MAGI1: variants seen among roughly 807,000 people sequenced by gnomAD.
The protein encoded by MAGI1 is membrane associated guanylate kinase, WW and PDZ domain containing 1.
A neutral mutation model predicts 139.9 loss-of-function variants in MAGI1; 58 were observed. That is an observed-to-expected ratio of 0.41 (90% CI 0.34 to 0.52). The LOEUF (loss-of-function observed/expected upper bound fraction) is 0.52, where lower values mean the gene tolerates loss of function less well. Among genes scored for constraint, MAGI1 ranks in the 20% least tolerant of loss-of-function variants. The pLI is 0.12. For missense variants in MAGI1, 1,874 were observed against 1,901.6 expected, an observed-to-expected ratio of 0.99 and a Z score of 0.27; for synonymous variants, 812 against 737.9, an observed-to-expected ratio of 1.10 and a Z score of -1.63.
At chr3:65,920,001 C>T (rs960254662) in intron 1 of MAGI1, among the ~76,000 whole-genome samples, 5 of 152,132 alleles carry the variant, frequency 3.3e-5, no homozygotes, top group Admixed American at 1.3e-4. Flanking sequence ...ACTTCAGGTC[C>T]GATGTTTAAA....
intron 1 of MAGI1, among the ~76,000 whole-genome samples, chr3:65,988,398 T>G (rs2065993837): frequency 6.6e-6 from 1 of 152,150 alleles, no homozygotes; most frequent in Non-Finnish European, 1.5e-5. Context: ...AGTGGCAGAT[T>G]GGGAGGGTGG....
At chr3:66,012,504 A>G (rs1032433085) in intron 1 of MAGI1, among the ~76,000 whole-genome samples, 5 of 152,294 alleles carry the variant, frequency 3.3e-5, no homozygotes, top group Non-Finnish European at 7.4e-5. Context: ...TGGATGAGAG[A>G]TAAAAACAGA....
At chr3:65,865,518 C>T (rs1207870961) in intron 1 of MAGI1, among the ~76,000 whole-genome samples, 1 of 152,152 alleles carries the variant, frequency 6.6e-6, no homozygotes, top group African/African-American at 2.4e-5. Context: ...ATCACTTGAG[C>T]CTGGAGGCAG....
At chr3:65,473,276 T>A (rs1264038003) in intron 4 of MAGI1, among the ~76,000 whole-genome samples, 1 of 152,154 alleles carries the variant, frequency 6.6e-6, no homozygotes, top group East Asian at 1.9e-4. Context: ...CAGATTATAG[T>A]CTTGTCTGCT....
intron 12 of MAGI1, among the ~76,000 whole-genome samples, chr3:65,407,593 G>A (rs535361226): frequency 6.6e-6 from 1 of 152,180 alleles, no homozygotes; most frequent in South Asian, 2.1e-4. Flanking sequence ...AAATAATAAT[G>A]ATATAAGACA....
intron 17 of MAGI1, chr3:65,379,057 G>T (rs539654803): frequency 3.8e-6 from 4 of 1,052,988 alleles, no homozygotes; most frequent in South Asian, 1.5e-5. Context: ...TGTGGAAGTT[G>T]AAAGGGTTGA....
chr3:65,813,505 T>C (rs1429503344), intron 1 of MAGI1, among the ~76,000 whole-genome samples: 1 of 152,152 alleles, frequency 6.6e-6, no homozygotes, highest in Non-Finnish European at 1.5e-5. Context: ...AATTAGCAAC[T>C]ACTCAGAAAA....
intron 4 of MAGI1, among the ~76,000 whole-genome samples, chr3:65,474,096 T>C (rs1950720090): frequency 6.6e-6 from 1 of 152,088 alleles, no homozygotes; most frequent in Admixed American, 6.6e-5. Flanking sequence ...TGAGACCACA[T>C]ATCTACAAAA....
intron 1 of MAGI1, among the ~76,000 whole-genome samples, chr3:65,637,278 C>T (rs1447182453): frequency 6.6e-6 from 1 of 152,010 alleles, no homozygotes; most frequent in East Asian, 1.9e-4. Context: ...GCAAGCTGGG[C>T]ATGGTGGCTC....
At chr3:65,820,194 A>G (rs1056996647) in intron 1 of MAGI1, among the ~76,000 whole-genome samples, 1 of 152,180 alleles carries the variant, frequency 6.6e-6, no homozygotes, top group Non-Finnish European at 1.5e-5. Context: ...ACTTGTAGGC[A>G]GTGTTATTTA....
intron 20 of MAGI1, 68 bp downstream of exon 20, chr3:65,364,597 T>C: frequency 7.2e-7 from 1 of 1,392,984 alleles, no homozygotes; most frequent in Non-Finnish European, 1.0e-6. Flanking sequence ...AAATATCCCA[T>C]AAAAGTAGCT....
chr3:65,576,578 T>A (rs1177381784), intron 2 of MAGI1, among the ~76,000 whole-genome samples: 1 of 152,232 alleles, frequency 6.6e-6, no homozygotes, highest in Non-Finnish European at 1.5e-5. Flanking sequence ...CCAGGCTGTC[T>A]CTGTGCTATC....
intron 13 of MAGI1, among the ~76,000 whole-genome samples, chr3:65,399,341 T>C (rs1944665755): frequency 6.6e-6 from 1 of 152,166 alleles, no homozygotes; most frequent in African/African-American, 2.4e-5. Flanking sequence ...ATCATCAAAA[T>C]TCAAACTGGG....
intron 1 of MAGI1, among the ~76,000 whole-genome samples, chr3:65,972,150 T>C (rs924656627): frequency 6.6e-6 from 1 of 152,140 alleles, no homozygotes; most frequent in South Asian, 2.1e-4. Context: ...TATCTCTCAT[T>C]TGAAAAACTG....
chr3:65,399,014 G>C (rs1944635072), intron 13 of MAGI1, among the ~76,000 whole-genome samples: 1 of 151,306 alleles, frequency 6.6e-6, no homozygotes, highest in African/African-American at 2.4e-5. Flanking sequence ...AAAAAAAAAA[G>C]GTATGAGGGC....
chr3:65,600,165 G>A (rs1261942971), intron 2 of MAGI1, among the ~76,000 whole-genome samples: 11 of 152,164 alleles, frequency 7.2e-5, no homozygotes, highest in Admixed American at 7.2e-4. Context: ...ACAAGAAAAT[G>A]ATTGTACAGT....
At chr3:66,032,372 G>A (rs984037447) in intron 1 of MAGI1, among the ~76,000 whole-genome samples, 20 of 132,364 alleles carry the variant, frequency 1.5e-4, no homozygotes, top group South Asian at 9.6e-4. Flanking sequence ...CACCACGCCC[G>A]GCTAATTTTT....
At chr3:65,445,487 G>A (rs1948620841) in intron 7 of MAGI1, among the ~76,000 whole-genome samples, 1 of 152,148 alleles carries the variant, frequency 6.6e-6, no homozygotes, top group South Asian at 2.1e-4. Flanking sequence ...GCAGTCAAAG[G>A]TTCTAAGTTC....
chr3:65,478,457 G>A, intron 4 of MAGI1, 135 bp downstream of exon 4: 1 of 767,484 alleles, frequency 1.3e-6, no homozygotes, highest in Non-Finnish European at 2.3e-6. Flanking sequence ...TGCAAGCACT[G>A]TGTGGTCCAA....
Sources: gnomAD v4.1 joint callset for allele counts (sites outside exome capture counted in the v4.1 genomes callset) on GRCh38, gnomAD v4.1.1 for gene constraint, MANE v1.5 for transcripts, NCBI Gene and HGNC (gene_info 2026-07-23, HGNC 2026-07-21) for gene names.